Variants in YLPM1 observed in about 807,000 individuals in gnomAD.
The protein encoded by YLPM1 is YLP motif containing 1, also known as YLP motif-containing protein 1.
Under a neutral mutation model 230.0 loss-of-function variants are expected in YLPM1, and 99 were observed. The ratio of observed to expected loss-of-function variants is 0.43; its 90% CI spans 0.37 to 0.51. The LOEUF (loss-of-function observed/expected upper bound fraction) is 0.51. Ranked by LOEUF, YLPM1 falls within the 20% of genes least tolerant of loss-of-function variation. YLPM1 has a pLI of 0.00. For synonymous variants in YLPM1, 984 were observed against 942.5 expected, an observed-to-expected ratio of 1.04 and a Z score of -0.81; for missense variants, 2,592 against 2,707.7, an observed-to-expected ratio of 0.96 and a Z score of 0.95.
At chr14:74,779,387 T>C (rs1201248324) in intron 2 of YLPM1, among the ~76,000 whole-genome samples, 1 of 152,150 alleles carries the variant, frequency 6.6e-6, no homozygotes, top group East Asian at 1.9e-4. Flanking sequence ...TTTACTCCTC[T>C]GCAAAATGGG....
Position 74,778,974 on chromosome 14 carries a change from G to C in YLPM1, c.1110+291G>C, listed in dbSNP as rs556616322. ...TTCTGCCTCAGCCTCCTGAGTAGCT[G>C]GGATGACAGGCATGCACCACCATGA... On this transcript the variant is annotated intron_variant, in intron 2 of 20. Coordinates refer to ENST00000325680, the MANE Select transcript of YLPM1 (RefSeq NM_019589.3). Among the ~76,000 whole-genome samples the C allele has an allele frequency of 5.3e-5, 8 of 152,126 alleles. No individual in the cohort carries two copies. In the South Asian group the frequency reaches 1.5e-3, roughly 28 times the overall value.
Position 74,812,718 on chromosome 14 carries a change from A to G in YLPM1, c.5438A>G (p.Lys1813Arg). ...QPPPAPRVEK[K>R]PESKNVDDIL... ...CCTCCAGCTCCACGAGTCGAGAAGA[A>G]GCCTGAATCAAAGAATGTGGACGAT... Residue 1813 changes from lysine to arginine, a missense_variant, in exon 11 of 21, where the codon AAG (lysine) becomes AGG (arginine). Physicochemically the swap from Lys to Arg is conservative, Grantham distance 26. Around this residue, in one of 4 missense-constraint regions of YLPM1, gnomAD observed 315 missense variants for 429.3 expected, o/e 0.73. Coordinates refer to ENST00000325680, the MANE Select transcript of YLPM1 (RefSeq NM_019589.3). 1 of 1,613,676 alleles carries G rather than the reference A, an allele frequency of 6.2e-7. No individual in the cohort carries two copies. The highest frequency in any genetic ancestry group is 8.5e-7 in the Non-Finnish European group (1 of 1,179,760).
At chr14:74,821,967 A>G (rs2091524973) in intron 17 of YLPM1, 1 of 152,116 alleles carries the variant, frequency 6.6e-6, no homozygotes, top group African/African-American at 2.4e-5. Context: ...CCTACCCCCT[A>G]GAGTATACAG....
rs749623178 is a variant in YLPM1 at position 74,782,029 on chromosome 14, T to G, written c.1986T>G (p.Val662=). The change falls in exon 4 of 21, where the codon GTT becomes GTG. Residue 662 remains valine (V), a synonymous_variant. Coordinates refer to ENST00000325680, the MANE Select transcript of YLPM1 (RefSeq NM_019589.3). ...PPASSSQSSQ[V]PEKPRPALLP... ...CCTCCAGTTCACAGAGCTCGCAAGTTCCAGAGAAACCTAGACCAGCACTGC... is the reference window on the plus strand; with the variant it reads ...CCTCCAGTTCACAGAGCTCGCAAGTGCCAGAGAAACCTAGACCAGCACTGC... The G allele has an allele frequency of 1.1e-5, 18 of 1,613,954 alleles. No homozygotes were observed. Among genetic ancestry groups the G allele is most frequent in the Non-Finnish European group, 1.5e-5 (18 of 1,179,866 alleles).
At chr14:74,833,444 G>A (rs901069983) in intron 19 of YLPM1, among the ~76,000 whole-genome samples, 4 of 152,040 alleles carry the variant, frequency 2.6e-5, no homozygotes, top group African/African-American at 4.8e-5. Context: ...GTAGAGACAC[G>A]GTTTCGCCTT....
In YLPM1 at chr14:74,763,512, A is replaced by T; in HGVS notation, c.23A>T (p.Tyr8Phe). 1 of 1,489,740 alleles carries T rather than the reference A, an allele frequency of 6.7e-7. No individual in the cohort carries two copies. 92.3% of individuals were successfully genotyped at this position (1,489,740 alleles called of 1,614,324 possible). The change falls in exon 1 of 21, where the codon TAT (tyrosine) becomes TTT (phenylalanine). Residue 8 changes from tyrosine (Y) to phenylalanine (F), a missense_variant. Physicochemically the swap from Tyr to Phe is conservative, Grantham distance 22. Transcript: ENST00000325680. ...GATATGTACCCGAATTGGGGCCGGT[A>T]TGGCGGGAGCAGCCACTATCCGCCG... is the stretch of plus-strand genomic sequence containing the variant. MYPNWGR[Y>F]GGSSHYPPPP...
chr14:74,769,714 C>T (rs1306801571), intron 1 of YLPM1, among the ~76,000 whole-genome samples: 4 of 151,556 alleles, frequency 2.6e-5, no homozygotes, highest in Non-Finnish European at 2.9e-5. Flanking sequence ...TAAGCTGCCA[C>T]GCCGGGCCTG....
intron 5 of YLPM1, among the ~76,000 whole-genome samples, chr14:74,802,247 G>C (rs2140115305): frequency 6.6e-6 from 1 of 151,026 alleles, no homozygotes; most frequent in East Asian, 1.9e-4. Context: ...TAGCAAGAGA[G>C]CTTTTGGTTG....
chr14:74,814,743 A>G (rs547770770), intron 11 of YLPM1, among the ~76,000 whole-genome samples: 1 of 152,358 alleles, frequency 6.6e-6, no homozygotes, highest in South Asian at 2.1e-4. Context: ...CTGGCCTCAT[A>G]AAGTAAGTTA....
chr14:74,771,550 C>T lies in YLPM1; in HGVS notation c.874-6897C>T, dbSNP rs114910389. On this transcript the variant is annotated intron_variant, in intron 1 of 20. Coordinates refer to ENST00000325680, the MANE Select transcript of YLPM1 (RefSeq NM_019589.3). ...TGGAAAATCAAGATAGTGGATAGTG[C>T]GTTGCCATGAACGTCAAGGAACAGA... Among the ~76,000 whole-genome samples the T allele has an allele frequency of 4.8e-3, 736 of 152,228 alleles. 5 individuals carry two copies. The highest frequency in any genetic ancestry group is 0.017 in the African/African-American group (714 of 41,532).
chr14:74,816,878 T>G (rs992784669), intron 13 of YLPM1, 53 bp from the exon 14 acceptor site: 20 of 1,505,862 alleles, frequency 1.3e-5, no homozygotes, highest in Non-Finnish European at 1.7e-5. Flanking sequence ...AGGAAAAGGT[T>G]TTGGATGATT....
intron 1 of YLPM1, among the ~76,000 whole-genome samples, chr14:74,764,995 C>G (rs2090897498): frequency 6.6e-6 from 1 of 152,166 alleles, no homozygotes; most frequent in Non-Finnish European, 1.5e-5. Flanking sequence ...CCCAGACATC[C>G]TTTTCTCATA....
At chr14:74,776,302 T>C (rs1367200425) in intron 1 of YLPM1, among the ~76,000 whole-genome samples, 1 of 152,236 alleles carries the variant, frequency 6.6e-6, no homozygotes, top group African/African-American at 2.4e-5. Flanking sequence ...TGTGAGTCTC[T>C]TGTCACATTT....
In YLPM1 at chr14:74,763,347, C is replaced by G; in HGVS notation, c.-143C>G. 5 of 1,047,150 alleles carry G rather than the reference C, an allele frequency of 4.8e-6. No homozygotes were observed. The highest frequency in any genetic ancestry group is 6.3e-6 in the Non-Finnish European group (5 of 796,388). 64.9% of individuals were successfully genotyped at this position (1,047,150 alleles called of 1,614,324 possible). A position where few individuals can be genotyped will look rare whatever the true frequency, so the allele number is the denominator to read the frequency against. ...GGTCGCGGGCCCAGCTCGGGAGCGC[C>G]GGCGCACTGGCGCGCTCCGTTTACA... On this transcript the variant is annotated 5_prime_UTR_variant, in exon 1 of 21. Transcript: ENST00000325680.
In YLPM1 at chr14:74,816,279, A is replaced by G; in HGVS notation, c.5565+14A>G. On this transcript the variant is annotated intron_variant, in intron 12 of 20. Transcript: ENST00000325680. ...AAACTTATTCGAGTGAGTATGGGGA[A>G]GCTGAAAAATCAGCTGCTTGTGCTG... 6.2e-7 allele frequency: 1 copy of G among 1,609,214 alleles called. No individual in the cohort carries two copies. The highest frequency in any genetic ancestry group is 8.5e-7 in the Non-Finnish European group (1 of 1,177,734).
At position 74,805,724 on chromosome 14, in the gene YLPM1, A is replaced by G. The variant is rs539121468; in HGVS notation, c.4521+3048A>G. On this transcript the variant is annotated intron_variant, in intron 6 of 20. Coordinates refer to ENST00000325680, the MANE Select transcript of YLPM1 (RefSeq NM_019589.3). Reference sequence around the variant, plus strand: ...GCATACTTTTTTTTTTTTTTTTTGAAACGGAATGTAGTCTGTCACCCAGGC... The same window carrying G: ...GCATACTTTTTTTTTTTTTTTTTGAGACGGAATGTAGTCTGTCACCCAGGC... 1.5e-4 allele frequency among the ~76,000 whole-genome samples: 23 copies of G among 148,572 alleles called. 1 individual carries two copies. In the South Asian group the frequency reaches 4.6e-3, roughly 29 times the overall value.
chr14:74,780,020 T>G (rs1384101928), intron 2 of YLPM1, among the ~76,000 whole-genome samples: 1 of 152,092 alleles, frequency 6.6e-6, no homozygotes, highest in East Asian at 1.9e-4. Flanking sequence ...ACCAGGCTGG[T>G]CTTGGACTCC....
At chr14:74,802,484 A>T (rs2091337607) in intron 5 of YLPM1, 72 bp from the exon 6 acceptor site, 1 of 1,490,346 alleles carries the variant, frequency 6.7e-7, no homozygotes, top group Non-Finnish European at 8.9e-7. Context: ...TTTTTAATTA[A>T]ATATTAATTG....
intron 1 of YLPM1, among the ~76,000 whole-genome samples, chr14:74,774,149 A>G (rs2091008079): frequency 6.6e-6 from 1 of 152,262 alleles, no homozygotes; most frequent in East Asian, 1.9e-4. Context: ...CACCTAGCCT[A>G]CTGAATACCA....
Sources: allele counts gnomAD v4.1 joint callset (sites outside exome capture counted in the v4.1 genomes callset), GRCh38; gene constraint gnomAD v4.1.1; regional missense constraint gnomAD v4.1.1; transcripts MANE v1.5; gene names NCBI Gene and HGNC (gene_info 2026-07-23, HGNC 2026-07-21).